Variants in DENND5A observed in about 807,000 individuals in gnomAD.
DENND5A encodes the protein DENN domain containing 5A, also known as DENN domain-containing protein 5A.
Under a neutral mutation model 140.3 loss-of-function variants are expected in DENND5A, and 64 were observed. The observed-to-expected ratio is 0.46, with a 90% CI of 0.37 to 0.56. DENND5A has a LOEUF of 0.56. Ranked by LOEUF, DENND5A falls within the 20% of genes least tolerant of loss-of-function variation. DENND5A has a pLI of 0.00. For missense variants in DENND5A, 1,292 were observed against 1,593.8 expected (o/e 0.81, Z 3.22); for synonymous variants, 605 against 607.7 (o/e 1.00, Z 0.07).
At chr11:9,202,544 G>A (rs1288547946) in intron 4 of DENND5A, among the ~76,000 whole-genome samples, 3 of 152,082 alleles carry the variant, frequency 2.0e-5, no homozygotes, top group East Asian at 1.9e-4. Flanking sequence ...CGAATCTTCC[G>A]TAGCTAGAAA....
chr11:9,164,966 GT>G lies in DENND5A; in HGVS notation c.2283+869del, dbSNP rs545915208. On this transcript the variant is annotated intron_variant, in intron 11 of 22. Coordinates refer to ENST00000328194, the MANE Select transcript of DENND5A (RefSeq NM_015213.4). ...ATAGTGAGATCCTGTCTTTAAAAAAGTTTTTTATTAAATTAAAAACTACATC... is the reference window on the plus strand; with the variant it reads ...ATAGTGAGATCCTGTCTTTAAAAAAGTTTTTATTAAATTAAAAACTACATC... Among the ~76,000 whole-genome samples the G allele has an allele frequency of 2.9e-3, 446 of 152,224 alleles. 2 individuals are homozygous for G. The highest frequency in any genetic ancestry group is 0.01 in the African/African-American group (424 of 41,548).
chr11:9,158,526 C>T (rs1294886317), intron 12 of DENND5A, among the ~76,000 whole-genome samples: 2 of 151,726 alleles, frequency 1.3e-5, no homozygotes, highest in African/African-American at 4.8e-5. Flanking sequence ...CCAGCCTGGG[C>T]AACAAAGCAA....
At chr11:9,179,797 C>G (rs1848666044) in intron 6 of DENND5A, among the ~76,000 whole-genome samples, 1 of 152,186 alleles carries the variant, frequency 6.6e-6, no homozygotes, top group African/African-American at 2.4e-5. Context: ...CCGCATCCAG[C>G]CCAAAACACC....
chr11:9,207,211 G>C, intron 2 of DENND5A: 1 of 468,806 alleles, frequency 2.1e-6, no homozygotes, highest in Non-Finnish European at 3.9e-6. Context: ...AATGATCTCT[G>C]GGAAAAATAC....
intron 10 of DENND5A, among the ~76,000 whole-genome samples, chr11:9,169,557 C>A (rs1268027547): frequency 2.0e-5 from 3 of 151,546 alleles, no homozygotes. Context: ...TAAAGGATTT[C>A]TCCCAAGTTT....
intron 5 of DENND5A, among the ~76,000 whole-genome samples, chr11:9,186,802 C>T (rs893833253): frequency 2.0e-5 from 3 of 152,102 alleles, no homozygotes; most frequent in African/African-American, 7.2e-5. Context: ...TTAAAAGAGC[C>T]GGGTGCGGTG....
chr11:9,203,470 G>A (rs1849587587), intron 4 of DENND5A, 190 bp downstream of exon 4: 5 of 589,730 alleles, frequency 8.5e-6, no homozygotes, highest in Non-Finnish European at 1.5e-5. Context: ...AAAAGGCCAT[G>A]AAGATAGTTA....
rs150420427 is a variant in DENND5A, at chr11:9,262,681, T to A, written c.109+2280A>T. On this transcript the variant is annotated intron_variant, in intron 1 of 22. Coordinates refer to ENST00000328194, the MANE Select transcript of DENND5A (RefSeq NM_015213.4). ...AAAAAGATGAAAAACATCTGTACTA[T>A]AAGAATTTGAAGACCTTAAAAGATA... 2.7e-3 allele frequency among the ~76,000 whole-genome samples: 416 copies of A among 152,218 alleles called. 2 individuals carry two copies. The highest frequency in any genetic ancestry group is 9.6e-3 in the African/African-American group (398 of 41,540).
chr11:9,176,136 A>T (rs555815936), intron 8 of DENND5A, among the ~76,000 whole-genome samples: 1 of 152,352 alleles, frequency 6.6e-6, no homozygotes, highest in South Asian at 2.1e-4. Flanking sequence ...CAAGTTGTCC[A>T]TGCAATTAGA....
At chr11:9,259,078 T>G (rs183201861) in intron 1 of DENND5A, among the ~76,000 whole-genome samples, 400 of 152,188 alleles carry the variant, frequency 2.6e-3, no homozygotes, top group Admixed American at 4.3e-3. Context: ...CTGACCAACA[T>G]GGTGAAACCC....
In DENND5A at chr11:9,170,795, C is replaced by CACAA; in HGVS notation, c.1907-19_1907-18insTTGT. Reference sequence around the variant, plus strand: ...TGCTTTCTCTGGATGAGAATACACACACACACACACACACACACACACATA... The same window carrying CACAA: ...TGCTTTCTCTGGATGAGAATACACACACAAACACACACACACACACACACACATA... On this transcript the variant is annotated intron_variant, in intron 8 of 22. Coordinates refer to ENST00000328194, the MANE Select transcript of DENND5A (RefSeq NM_015213.4). 3.9e-6 allele frequency: 6 copies of CACAA among 1,548,392 alleles called. No individual in the cohort carries two copies. The Middle Eastern group carries it at 8.5e-4, about 220-fold the overall frequency.
At chr11:9,214,736 T>TA (rs1850020279) in intron 1 of DENND5A, among the ~76,000 whole-genome samples, 1 of 152,214 alleles carries the variant, frequency 6.6e-6, no homozygotes, top group African/African-American at 2.4e-5. Context: ...TTTGTTTTGT[T>TA]TTTTTGAGAC....
At chr11:9,234,382 T>A (rs527292796) in intron 1 of DENND5A, among the ~76,000 whole-genome samples, 1 of 151,306 alleles carries the variant, frequency 6.6e-6, no homozygotes, top group Non-Finnish European at 1.5e-5. Context: ...AATACCAATA[T>A]AAAGAATGAG....
intron 1 of DENND5A, among the ~76,000 whole-genome samples, chr11:9,227,446 T>C (rs1850578637): frequency 6.6e-6 from 1 of 152,178 alleles, no homozygotes; most frequent in African/African-American, 2.4e-5. Context: ...GAGCACATTT[T>C]AGTAAATGTG....
chr11:9,178,159 G>A lies in DENND5A; in HGVS notation c.1879C>T (p.Gln627Ter). 1 of 1,613,576 alleles carries A rather than the reference G, an allele frequency of 6.2e-7. No homozygotes were observed. The highest frequency in any genetic ancestry group is 8.5e-7 in the Non-Finnish European group (1 of 1,179,486). Residue 627 changes from glutamine to a stop codon, truncating the protein, a stop_gained, in exon 8 of 23, where the codon CAG (glutamine) becomes TAG (stop). Coordinates refer to ENST00000328194, the MANE Select transcript of DENND5A (RefSeq NM_015213.4). LOFTEE classifies it high-confidence loss of function. ...RTPTLRTSMY[Q>*]KCTTVDEAEK... ...GCTTCATCCACAGTGGTACACTTCT[G>A]GTACATGGATGTACGGAGAGTAGGT...
rs548298552 is a variant in DENND5A at position 9,168,365 on chromosome 11, G to A, written c.2151+1491C>T. Among the ~76,000 whole-genome samples, 6 of 152,302 alleles carry A rather than the reference G, an allele frequency of 3.9e-5. No individual in the cohort carries two copies. The East Asian group carries it at 9.6e-4, about 24-fold the overall frequency. ...TGCCCACTGCCATCCACGTTAAGAC[G>A]TGACTTGCTCCCTCCTTGCTGTCCA... On this transcript the variant is annotated intron_variant, in intron 10 of 22. Coordinates refer to ENST00000328194, the MANE Select transcript of DENND5A (RefSeq NM_015213.4).
intron 1 of DENND5A, among the ~76,000 whole-genome samples, chr11:9,251,551 G>A (rs1161702777): frequency 3.9e-5 from 6 of 152,044 alleles, no homozygotes; most frequent in Non-Finnish European, 5.9e-5. Flanking sequence ...CTTGACATCT[G>A]GCACACACTC....
chr11:9,155,776 A>G (rs562876338), intron 12 of DENND5A, among the ~76,000 whole-genome samples: 2 of 152,388 alleles, frequency 1.3e-5, no homozygotes, highest in African/African-American at 4.8e-5. Flanking sequence ...ATAGAAAAAC[A>G]TACTATAGGT....
intron 10 of DENND5A, among the ~76,000 whole-genome samples, chr11:9,169,495 G>GCACA (rs59297086): frequency 0.088 from 12,895 of 145,716 alleles, 600 homozygotes; most frequent in African/African-American, 0.12. Flanking sequence ...ATATACACAC[G>GCACA]CACACACACA....
Sources: allele counts gnomAD v4.1 joint callset (sites outside exome capture counted in the v4.1 genomes callset), GRCh38; gene constraint gnomAD v4.1.1; transcripts MANE v1.5; gene names NCBI Gene and HGNC (gene_info 2026-07-23, HGNC 2026-07-21).